TADA2A: variants seen among roughly 807,000 people sequenced by gnomAD.
The protein encoded by TADA2A is transcriptional adapter 2-alpha.
TADA2A carries 38 observed loss-of-function variants against 67.4 expected under a neutral mutation model. The ratio of observed to expected loss-of-function variants is 0.56; its 90% CI spans 0.44 to 0.74. The LOEUF (loss-of-function observed/expected upper bound fraction) is 0.74. Among genes scored for constraint, TADA2A ranks in the 30% least tolerant of loss-of-function variants. TADA2A has a pLI of 0.00. For synonymous variants in TADA2A, 192 were observed against 181.6 expected (o/e 1.06, Z -0.46); for missense variants, 454 against 547.0 (o/e 0.83, Z 1.70).
Position 37,463,384 on chromosome 17 carries a change from A to G in TADA2A, c.712+1263A>G, listed in dbSNP as rs371194382. Reference sequence around the variant, plus strand: ...CCAGTTGATAGATTCTTGTAGGGGTATTTATTTAATAATATATAGCATCGT... The same window carrying G: ...CCAGTTGATAGATTCTTGTAGGGGTGTTTATTTAATAATATATAGCATCGT... On this transcript the variant is annotated intron_variant, in intron 10 of 15. Transcript: ENST00000615182. Among the ~76,000 whole-genome samples, 35 of 152,164 alleles carry G rather than the reference A, an allele frequency of 2.3e-4. 1 individual carries two copies. The East Asian group carries it at 4.8e-3, about 21-fold the overall frequency.
chr17:37,439,730 A>G (rs767925004), intron 5 of TADA2A, among the ~76,000 whole-genome samples: 1 of 152,146 alleles, frequency 6.6e-6, no homozygotes, highest in African/African-American at 2.4e-5. Flanking sequence ...CTGGCATCTC[A>G]TAGCAGCTCT....
chr17:37,417,740 G>C (rs2052096719), intron 2 of TADA2A, among the ~76,000 whole-genome samples: 1 of 152,014 alleles, frequency 6.6e-6, no homozygotes, highest in Non-Finnish European at 1.5e-5. Context: ...TCGCCATCTT[G>C]ACCAGGCTGG....
Position 37,426,870 on chromosome 17 carries a change from A to G in TADA2A, c.133-80A>G, listed in dbSNP as rs1233103494. On this transcript the variant is annotated intron_variant, in intron 3 of 15. Coordinates refer to ENST00000615182, the MANE Select transcript of TADA2A (RefSeq NM_001166105.3). ...CAAAAATAAAATTTTAAAAACCCAAACTTGTCAGAAGAATAACACAAACCT... is the reference window on the plus strand; with the variant it reads ...CAAAAATAAAATTTTAAAAACCCAAGCTTGTCAGAAGAATAACACAAACCT... 1.1e-5 allele frequency: 15 copies of G among 1,390,862 alleles called. No homozygotes were observed. In the East Asian group the frequency reaches 3.7e-4, roughly 35 times the overall value. 86.2% of individuals were successfully genotyped at this position (1,390,862 alleles called of 1,614,324 possible). A position where few individuals can be genotyped will look rare whatever the true frequency, so the allele number is the denominator to read the frequency against.
In TADA2A at chr17:37,470,476, C is replaced by G. The variant is rs772638890; in HGVS notation, c.972C>G (p.Leu324=). 6.2e-7 allele frequency: 1 copy of G among 1,611,458 alleles called. No individual in the cohort carries two copies. The highest frequency in any genetic ancestry group is 8.5e-7 in the Non-Finnish European group (1 of 1,179,148). The change falls in exon 13 of 16, where the codon CTC becomes CTG. Residue 324 remains leucine, a synonymous_variant. Coordinates refer to ENST00000615182, the MANE Select transcript of TADA2A (RefSeq NM_001166105.3). ...RLKRTMLSEV[L]QYIQDSSACQ... The stretch of plus-strand genomic sequence containing the variant: ...AACGCACTATGCTCTCAGAAGTTCT[C>G]CAGTATATCCAGGACAGTAGTGCTT...
intron 2 of TADA2A, among the ~76,000 whole-genome samples, chr17:37,413,849 A>T (rs2051956727): frequency 6.6e-6 from 1 of 151,898 alleles, no homozygotes; most frequent in Non-Finnish European, 1.5e-5. Flanking sequence ...GTTGTTATAT[A>T]GGTAAACTTC....
At position 37,479,040 on chromosome 17, in the gene TADA2A, C is replaced by T. The variant is rs1289430342; in HGVS notation, c.*2058C>T. 3.3e-5 allele frequency: 5 copies of T among 152,150 alleles called. No homozygotes were observed. Among genetic ancestry groups the T allele is most frequent in the Non-Finnish European group, 7.3e-5 (5 of 68,050 alleles). 9.4% of individuals were successfully genotyped at this position (152,150 alleles called of 1,614,324 possible). A position where few individuals can be genotyped will look rare whatever the true frequency, so the allele number is the denominator to read the frequency against. ...ACTCCTGTTCTGAAAAGTTGGGATG[C>T]ATTAGCCATCAGTGTTAGGTGACGT... On this transcript the variant is annotated 3_prime_UTR_variant, in exon 16 of 16. Transcript: ENST00000615182.
chr17:37,468,896 T>G (rs746907575), intron 12 of TADA2A, among the ~76,000 whole-genome samples: 1 of 152,012 alleles, frequency 6.6e-6, no homozygotes, highest in South Asian at 2.1e-4. Flanking sequence ...AAGAAATAGT[T>G]GGCTTCTTTT....
At chr17:37,460,548 T>C (rs2053524219) in intron 9 of TADA2A, among the ~76,000 whole-genome samples, 3 of 152,174 alleles carry the variant, frequency 2.0e-5, no homozygotes, top group Admixed American at 2.0e-4. Context: ...CCCAGCCCTA[T>C]TGTGCTTTTT....
chr17:37,455,369 TTTG>T (rs1178725737), intron 8 of TADA2A, among the ~76,000 whole-genome samples: 36,748 of 144,318 alleles, frequency 0.25, 4,895 homozygotes, highest in African/African-American at 0.37. Flanking sequence ...TGTTTTTTTG[TTTG>T]TTTGTTTGTT....
intron 2 of TADA2A, among the ~76,000 whole-genome samples, chr17:37,411,958 C>A (rs1464170266): frequency 4.0e-5 from 6 of 151,746 alleles, no homozygotes; most frequent in African/African-American, 1.4e-4. Flanking sequence ...CGCCTGTAAT[C>A]CCAGCACTTT....
intron 5 of TADA2A, 40 bp downstream of exon 5, chr17:37,437,869 C>T: frequency 6.4e-7 from 1 of 1,564,782 alleles, no homozygotes; most frequent in Non-Finnish European, 8.8e-7. Flanking sequence ...CCCTAGTGGA[C>T]TCAGAGAAGA....
chr17:37,419,786 A>T (rs2147916857), intron 2 of TADA2A, among the ~76,000 whole-genome samples: 1 of 144,812 alleles, frequency 6.9e-6, no homozygotes, highest in Middle Eastern at 3.6e-3. Flanking sequence ...CTCAAAAAAA[A>T]AAAAAAGACC....
intron 8 of TADA2A, among the ~76,000 whole-genome samples, chr17:37,456,952 A>G (rs999521664): frequency 2.0e-5 from 3 of 152,134 alleles, no homozygotes; most frequent in Non-Finnish European, 4.4e-5. Context: ...GACTAAAGCC[A>G]GGAAAGGATT....
intron 5 of TADA2A, among the ~76,000 whole-genome samples, chr17:37,439,154 A>G (rs2052821732): frequency 1.3e-5 from 2 of 152,042 alleles, no homozygotes; most frequent in Non-Finnish European, 2.9e-5. Context: ...CCAGGCTGAA[A>G]TGCAGTGGTG....
intron 13 of TADA2A, 93 bp from the exon 14 acceptor site, chr17:37,471,001 C>T (rs747346653): frequency 4.6e-5 from 56 of 1,209,820 alleles, no homozygotes; most frequent in Non-Finnish European, 6.0e-5. Flanking sequence ...TTCAAGGTGA[C>T]CTACCTGATA....
intron 2 of TADA2A, 48 bp from the exon 3 acceptor site, chr17:37,423,461 T>A: frequency 7.1e-7 from 1 of 1,416,084 alleles, no homozygotes; most frequent in Non-Finnish European, 9.7e-7. Context: ...GCACTTAAGA[T>A]AACCGTAAGG....
At chr17:37,433,213 A>G (rs1340018419) in intron 4 of TADA2A, among the ~76,000 whole-genome samples, 1 of 151,996 alleles carries the variant, frequency 6.6e-6, no homozygotes, top group Admixed American at 6.6e-5. Flanking sequence ...TTGGCCTCCC[A>G]GAGTGCTAGG....
At chr17:37,432,665 A>G (rs560752810) in intron 4 of TADA2A, among the ~76,000 whole-genome samples, 5 of 152,346 alleles carry the variant, frequency 3.3e-5, no homozygotes, top group Admixed American at 2.6e-4. Context: ...GTATTCTTAT[A>G]TAAAGCTTTC....
rs1172785460 is a variant in TADA2A at position 37,478,901 on chromosome 17, A to G, written c.*1919A>G. ...AGAGGACTTCGATTTTTTAAAAAGA[A>G]TGACGTGGAAATGACCTGTTTTCCT... On this transcript the variant is annotated 3_prime_UTR_variant, in exon 16 of 16. Transcript: ENST00000615182. The G allele has an allele frequency of 6.6e-6, 1 of 152,228 alleles. No homozygotes were observed. Among genetic ancestry groups the G allele is most frequent in the East Asian group, 1.9e-4 (1 of 5,202 alleles). The allele number at this position is 152,228 out of a possible 1,614,324, so 9.4% of individuals were successfully genotyped here.
Sources: allele counts gnomAD v4.1 joint callset (sites outside exome capture counted in the v4.1 genomes callset), GRCh38; gene constraint gnomAD v4.1.1; transcripts MANE v1.5; gene names NCBI Gene and HGNC (gene_info 2026-07-23, HGNC 2026-07-21).